PARL: variants seen among roughly 807,000 people sequenced by gnomAD.
The protein encoded by PARL is presenilin associated rhomboid like, also known as presenilin-associated rhomboid-like protein, mitochondrial.
A neutral mutation model predicts 51.6 loss-of-function variants in PARL; 44 were observed. The ratio of observed to expected loss-of-function variants is 0.85; its 90% CI spans 0.67 to 1.10. PARL has a LOEUF of 1.10. PARL is among the 50% of genes least tolerant of loss of function. The probability of loss-of-function intolerance (pLI) is 0.00; values close to 1 mark genes in which losing one functional copy is unlikely to be tolerated. For synonymous variants in PARL, 172 were observed against 164.0 expected (o/e 1.05, Z -0.37); for missense variants, 441 against 469.5 (o/e 0.94, Z 0.56).
chr3:183,877,997 G>T lies in PARL; in HGVS notation c.125+6725C>A, dbSNP rs151198304. 9.3e-3 allele frequency among the ~76,000 whole-genome samples: 1,411 copies of T among 152,128 alleles called. 9 individuals are homozygous for T. The highest frequency in any genetic ancestry group is 0.033 in the African/African-American group (1,356 of 41,510). ...GTAGAGATGGGGTTTCATCATATTG[G>T]TCAGGCCGGTCTCGAACTCCTGAGC... On this transcript the variant is annotated intron_variant, in intron 1 of 9. Coordinates refer to ENST00000317096, the MANE Select transcript of PARL (RefSeq NM_018622.7).
intron 7 of PARL, among the ~76,000 whole-genome samples, chr3:183,836,481 T>C (rs73042530): frequency 9.8e-5 from 15 of 152,332 alleles, no homozygotes; most frequent in African/African-American, 3.6e-4. Flanking sequence ...TTGACAAATA[T>C]TTGGGCTTAC....
At chr3:183,827,410 C>CGG (rs1031840907), downstream of PARL, among the ~76,000 whole-genome samples, 13 of 135,636 alleles carry the variant, frequency 9.6e-5, no homozygotes, top group African/African-American at 3.1e-4. Flanking sequence ...CCACTGAACT[C>CGG]CAGCCTGGAC....
chr3:183,840,490 C>T, intron 7 of PARL, 80 bp downstream of exon 7: 1 of 712,924 alleles, frequency 1.4e-6, no homozygotes. Flanking sequence ...ATCAATTTTA[C>T]AACATTCTTC....
At chr3:183,873,375 G>A (rs138642941) in intron 1 of PARL, among the ~76,000 whole-genome samples, 1 of 151,858 alleles carries the variant, frequency 6.6e-6, no homozygotes, top group Admixed American at 6.6e-5. Flanking sequence ...GCGTGGTGGC[G>A]CACGCCTGTA....
At chr3:183,868,084 A>C in intron 1 of PARL, 24 bp from the exon 2 acceptor site, 2 of 1,561,632 alleles carry the variant, frequency 1.3e-6, no homozygotes, top group Non-Finnish European at 1.8e-6. Context: ...ATAACAGATG[A>C]GAAACACAGT....
At chr3:183,881,021 G>A (rs796243584) in intron 1 of PARL, among the ~76,000 whole-genome samples, 10 of 151,710 alleles carry the variant, frequency 6.6e-5, no homozygotes, top group African/African-American at 2.4e-4. Context: ...TCCCTATATT[G>A]CCCAGGCTGG....
At chr3:183,845,455 T>A (rs965150668) in intron 4 of PARL, among the ~76,000 whole-genome samples, 8 of 152,248 alleles carry the variant, frequency 5.3e-5, no homozygotes, top group African/African-American at 1.9e-4. Flanking sequence ...TCTTTCTCCG[T>A]AGTACATTAA....
chr3:183,863,605 C>CT (rs983631429), intron 3 of PARL, among the ~76,000 whole-genome samples: 9 of 151,200 alleles, frequency 6.0e-5, no homozygotes, highest in Non-Finnish European at 1.0e-4. Context: ...CATTTATTTT[C>CT]TTTTTTTTTC....
At chr3:183,858,484 CT>C (rs763152263) in intron 4 of PARL, among the ~76,000 whole-genome samples, 30 of 152,326 alleles carry the variant, frequency 2.0e-4, no homozygotes, top group East Asian at 9.6e-4. Context: ...GCACAGTTTT[CT>C]TGCGATCTCT....
chr3:183,873,863 A>G (rs1733494987), intron 1 of PARL, among the ~76,000 whole-genome samples: 1 of 152,134 alleles, frequency 6.6e-6, no homozygotes, highest in Admixed American at 6.6e-5. Flanking sequence ...AGAAGTGTGC[A>G]TCAAGCTGAG....
Position 183,866,651 on chromosome 3 carries a change from G to A in PARL, c.436C>T (p.Gln146Ter). Reference sequence around the variant, plus strand: ...TCCTTTCTGAAGTCTCCTTCTTTTTGTGGTCTTATGCTATCCAACCAATCA... The same window carrying A: ...TCCTTTCTGAAGTCTCCTTCTTTTTATGGTCTTATGCTATCCAACCAATCA... ...KADWLDSIRP[Q>*]KEGDFRKEIN... is the part of the protein sequence containing the mutation. Residue 146 changes from glutamine (Q) to a stop codon, truncating the protein, a stop_gained, in exon 3 of 10, where the codon CAA becomes TAA. Coordinates refer to ENST00000317096, the MANE Select transcript of PARL (RefSeq NM_018622.7). LOFTEE classifies it high-confidence loss of function. The A allele has an allele frequency of 6.2e-7, 1 of 1,611,564 alleles. No individual in the cohort carries two copies. The highest frequency in any genetic ancestry group is 8.5e-7 in the Non-Finnish European group (1 of 1,179,230).
At chr3:183,859,300 T>C (rs1395289186) in intron 4 of PARL, among the ~76,000 whole-genome samples, 1 of 151,712 alleles carries the variant, frequency 6.6e-6, no homozygotes, top group South Asian at 2.1e-4. Context: ...AAAACAAAAC[T>C]ACAGACTCCA....
intron 4 of PARL, among the ~76,000 whole-genome samples, chr3:183,850,596 A>C (rs981112093): frequency 6.6e-6 from 1 of 152,250 alleles, no homozygotes; most frequent in Admixed American, 6.5e-5. Flanking sequence ...AAGAGAATTA[A>C]CACCAATCCT....
intron 6 of PARL, among the ~76,000 whole-genome samples, chr3:183,841,967 G>A (rs1729370463): frequency 6.6e-6 from 1 of 152,142 alleles, no homozygotes; most frequent in Non-Finnish European, 1.5e-5. Flanking sequence ...TCTATAAAAT[G>A]GAGGGCCTAA....
Position 183,842,394 on chromosome 3 carries a change from G to A in PARL, c.661C>T (p.His221Tyr). The change falls in exon 6 of 10, where the codon CAC (histidine) becomes TAC (tyrosine). Residue 221 changes from histidine to tyrosine, a missense_variant. Coordinates refer to ENST00000317096, the MANE Select transcript of PARL (RefSeq NM_018622.7). ...AAAACATACATATTTGCTGCCATGT[G>A]AAATAAGGAGAAATGACTGAATGTT... ...LSTFSHFSLF[H>Y]MAANMYVLWS... 5 of 1,613,064 alleles carry A rather than the reference G, an allele frequency of 3.1e-6. No individual in the cohort carries two copies. Among genetic ancestry groups the A allele is most frequent in the Non-Finnish European group, 4.2e-6 (5 of 1,179,032 alleles).
At chr3:183,884,665 A>G (rs906455005) in intron 1 of PARL, 57 bp downstream of exon 1, 3 of 1,545,824 alleles carry the variant, frequency 1.9e-6, no homozygotes, top group Non-Finnish European at 2.6e-6. Flanking sequence ...CCCCGAGGAT[A>G]CACGGCCAGA....
downstream of PARL, among the ~76,000 whole-genome samples, chr3:183,827,496 G>A (rs996439262): frequency 6.6e-6 from 1 of 152,108 alleles, no homozygotes; most frequent in Non-Finnish European, 1.5e-5. Flanking sequence ...TGACAGACAT[G>A]TTTTTAGCAC....
At chr3:183,867,453 A>C (rs893867365) in intron 2 of PARL, among the ~76,000 whole-genome samples, 7 of 152,132 alleles carry the variant, frequency 4.6e-5, no homozygotes, top group East Asian at 3.9e-4. Flanking sequence ...GTAATCCCAG[A>C]ACTTTGGGAG....
chr3:183,864,168 C>T (rs1228731575), intron 3 of PARL, among the ~76,000 whole-genome samples: 1 of 152,202 alleles, frequency 6.6e-6, no homozygotes, highest in Non-Finnish European at 1.5e-5. Flanking sequence ...GGCATAAAGC[C>T]TCTCTAACAC....
Sources: gnomAD v4.1 joint callset for allele counts (sites outside exome capture counted in the v4.1 genomes callset) on GRCh38, gnomAD v4.1.1 for gene constraint, MANE v1.5 for transcripts, NCBI Gene and HGNC (gene_info 2026-07-23, HGNC 2026-07-21) for gene names.